CCDC91: variants seen among roughly 807,000 people sequenced by gnomAD.
CCDC91 encodes the protein coiled-coil domain-containing protein 91.
In CCDC91, 48 loss-of-function variants were observed where a neutral mutation model predicts 63.2. The observed-to-expected ratio is 0.76, with a 90% CI of 0.60 to 0.97. CCDC91 has a LOEUF of 0.97. CCDC91 is among the 50% of genes least tolerant of loss of function. The pLI, the probability that CCDC91 is intolerant of heterozygous loss-of-function variation, is 0.00. For missense variants in CCDC91, 500 were observed against 494.6 expected (o/e 1.01, Z -0.10); for synonymous variants, 167 against 165.8 (o/e 1.01, Z -0.06).
At chr12:28,200,885 C>A (rs4026418) in intron 1 of CCDC91, among the ~76,000 whole-genome samples, 1 of 150,644 alleles carries the variant, frequency 6.6e-6, no homozygotes, top group African/African-American at 2.4e-5. Flanking sequence ...CCAGACAGGG[C>A]GGCTGGCCGG....
intron 6 of CCDC91, among the ~76,000 whole-genome samples, chr12:28,331,168 T>G (rs1941474874): frequency 6.6e-6 from 1 of 152,248 alleles, no homozygotes; most frequent in African/African-American, 2.4e-5. Context: ...TGATTTCCTT[T>G]TATATTTATT....
intron 12 of CCDC91, among the ~76,000 whole-genome samples, chr12:28,530,985 C>T (rs897001427): frequency 1.3e-5 from 2 of 152,058 alleles, no homozygotes; most frequent in Non-Finnish European, 2.9e-5. Flanking sequence ...GCAAAAAGTC[C>T]CTTACCTCCA....
intron 8 of CCDC91, among the ~76,000 whole-genome samples, chr12:28,428,573 C>CAAAAAAAAAAA (rs1438921507): frequency 3.1e-5 from 2 of 65,250 alleles, no homozygotes; most frequent in African/African-American, 8.4e-5. Context: ...CCGTCTCTCC[C>CAAAAAAAAAAA]CAAAAAAAAA....
chr12:28,424,153 C>T (rs1948173174), intron 8 of CCDC91, among the ~76,000 whole-genome samples: 1 of 152,100 alleles, frequency 6.6e-6, no homozygotes, highest in Admixed American at 6.6e-5. Flanking sequence ...TGGTCTCCAA[C>T]TCCTGGCCTC....
intron 6 of CCDC91, among the ~76,000 whole-genome samples, chr12:28,330,463 G>GT (rs768513988): frequency 0.021 from 3,006 of 143,560 alleles, 38 homozygotes; most frequent in Non-Finnish European, 0.028. Context: ...TGATGGGGTT[G>GT]TTTTTTTTTT....
At chr12:28,306,469 A>T (rs1938741426) in intron 4 of CCDC91, among the ~76,000 whole-genome samples, 1 of 152,130 alleles carries the variant, frequency 6.6e-6, no homozygotes, top group South Asian at 2.1e-4. Flanking sequence ...ATTTTCAAGC[A>T]CAGGAAAAAG....
chr12:28,359,576 G>A (rs1044003343), intron 6 of CCDC91, among the ~76,000 whole-genome samples: 2 of 152,068 alleles, frequency 1.3e-5, no homozygotes, highest in African/African-American at 2.4e-5. Context: ...TTTGTCAGAG[G>A]TTTTAATATG....
chr12:28,415,214 G>T (rs1161212968), intron 8 of CCDC91, among the ~76,000 whole-genome samples: 1 of 143,334 alleles, frequency 7.0e-6, no homozygotes, highest in Non-Finnish European at 1.5e-5. Flanking sequence ...AATGTTATTT[G>T]TTTGTAAAGC....
At chr12:28,289,993 G>A (rs1256252498) in intron 3 of CCDC91, among the ~76,000 whole-genome samples, 1 of 152,024 alleles carries the variant, frequency 6.6e-6, no homozygotes, top group Non-Finnish European at 1.5e-5. Context: ...CACCTGGCCT[G>A]GGTGGAGAGT....
At chr12:28,435,983 T>A (rs1170188327) in intron 8 of CCDC91, among the ~76,000 whole-genome samples, 1 of 151,844 alleles carries the variant, frequency 6.6e-6, no homozygotes, top group Non-Finnish European at 1.5e-5. Context: ...AATCTACACA[T>A]CTTTACATTA....
intron 6 of CCDC91, among the ~76,000 whole-genome samples, chr12:28,346,023 A>G (rs947543539): frequency 2.7e-5 from 4 of 150,650 alleles, no homozygotes; most frequent in Admixed American, 1.3e-4. Context: ...TTTCCATGCA[A>G]TTTTTTTTTG....
At chr12:28,497,390 A>T (rs1332223014) in intron 12 of CCDC91, among the ~76,000 whole-genome samples, 1 of 151,652 alleles carries the variant, frequency 6.6e-6, no homozygotes, top group Non-Finnish European at 1.5e-5. Flanking sequence ...AGAAATTTCC[A>T]TCTTAACTTT....
At chr12:28,348,720 TTTTTC>T (rs1419501910) in intron 6 of CCDC91, among the ~76,000 whole-genome samples, 2 of 152,138 alleles carry the variant, frequency 1.3e-5, no homozygotes, top group African/African-American at 4.8e-5. Flanking sequence ...CTTAACTTTG[TTTTTC>T]TTTTCTTTTT....
chr12:28,381,450 A>G (rs1241201911), intron 7 of CCDC91, among the ~76,000 whole-genome samples: 1 of 152,150 alleles, frequency 6.6e-6, no homozygotes, highest in Non-Finnish European at 1.5e-5. Flanking sequence ...ATTATGTATT[A>G]TAAAAATTAA....
intron 7 of CCDC91, among the ~76,000 whole-genome samples, chr12:28,384,190 T>C (rs1459480679): frequency 6.6e-6 from 1 of 152,102 alleles, no homozygotes; most frequent in Non-Finnish European, 1.5e-5. Context: ...AAGAAATGTA[T>C]ATTAATAGAC....
At chr12:28,338,258 C>T (rs75742705) in intron 6 of CCDC91, among the ~76,000 whole-genome samples, 33 of 143,816 alleles carry the variant, frequency 2.3e-4, no homozygotes, top group Admixed American at 3.5e-4. Flanking sequence ...CCTTATGGAT[C>T]TTTTTTTTTT....
In CCDC91 at chr12:28,199,782, C is replaced by T. The variant is rs117785704; in HGVS notation, c.-15+9141C>T. Among the ~76,000 whole-genome samples, 28 of 152,264 alleles carry T rather than the reference C, an allele frequency of 1.8e-4. No homozygotes were observed. In the East Asian group the frequency reaches 3.9e-3, roughly 21 times the overall value. On this transcript the variant is annotated intron_variant, in intron 1 of 12. Coordinates refer to ENST00000536442, the MANE Select transcript of CCDC91 (RefSeq NM_018318.5). ...GTATCTTTCCACTGCCTCTGGCCTC[C>T]GTGGTTTTTAGTGAGAAATCAGATA...
intron 1 of CCDC91, among the ~76,000 whole-genome samples, chr12:28,200,142 C>G (rs933263681): frequency 6.6e-6 from 1 of 150,986 alleles, no homozygotes; most frequent in Non-Finnish European, 1.5e-5. Context: ...ATTCTTTTTT[C>G]ATTCTGTTCC....
At chr12:28,546,916 T>G (rs1943030241) in intron 12 of CCDC91, among the ~76,000 whole-genome samples, 1 of 152,102 alleles carries the variant, frequency 6.6e-6, no homozygotes, top group Admixed American at 6.6e-5. Flanking sequence ...GGTTGTAAAT[T>G]TTATTGCTTG....
Sources: allele counts gnomAD v4.1 joint callset (sites outside exome capture counted in the v4.1 genomes callset), GRCh38; gene constraint gnomAD v4.1.1; transcripts MANE v1.5; gene names NCBI Gene and HGNC (gene_info 2026-07-23, HGNC 2026-07-21).